Variants in MACROD2 observed in about 807,000 individuals in gnomAD.
MACROD2 encodes ADP-ribose glycohydrolase MACROD2.
MACROD2 carries 36 observed loss-of-function variants against 70.4 expected under a neutral mutation model. That is an observed-to-expected ratio of 0.51 (90% confidence interval 0.39 to 0.68). The LOEUF is 0.68. Ranked by LOEUF, MACROD2 falls within the 30% of genes least tolerant of loss-of-function variation. MACROD2 has a pLI of 0.00. For missense variants in MACROD2, 496 were observed against 538.4 expected (o/e 0.92, Z 0.78); for synonymous variants, 172 against 178.8 (o/e 0.96, Z 0.30).
chr20:14,696,012 G>T (rs539879795), intron 5 of MACROD2, among the ~76,000 whole-genome samples: 11 of 152,310 alleles, frequency 7.2e-5, no homozygotes, highest in African/African-American at 2.4e-4. Flanking sequence ...CATTTTCTCA[G>T]TGCAGAACCT....
intron 5 of MACROD2, among the ~76,000 whole-genome samples, chr20:15,065,481 C>T (rs956794781): frequency 6.6e-6 from 1 of 151,888 alleles, no homozygotes; most frequent in Non-Finnish European, 1.5e-5. Flanking sequence ...CAGTGAAACC[C>T]CATCTCTACT....
chr20:14,460,961 C>CA (rs2084362542), intron 3 of MACROD2, among the ~76,000 whole-genome samples: 1 of 148,428 alleles, frequency 6.7e-6, no homozygotes, highest in South Asian at 2.1e-4. Flanking sequence ...GGATTCCCCC[C>CA]TTTTTTTTTT....
intron 8 of MACROD2, among the ~76,000 whole-genome samples, chr20:15,666,397 G>A (rs1176285933): frequency 6.6e-6 from 1 of 152,060 alleles, no homozygotes; most frequent in Admixed American, 6.5e-5. Context: ...CCTGCCCTAG[G>A]GTCTTTTTTT....
At chr20:14,338,737 A>G (rs373124451) in intron 3 of MACROD2, among the ~76,000 whole-genome samples, 9 of 152,214 alleles carry the variant, frequency 5.9e-5, no homozygotes, top group African/African-American at 1.7e-4. Flanking sequence ...ATTTAGGTAC[A>G]TGAATAAACA....
chr20:14,406,135 AT>A (rs1317428991), intron 3 of MACROD2, among the ~76,000 whole-genome samples: 1 of 152,102 alleles, frequency 6.6e-6, no homozygotes, highest in Non-Finnish European at 1.5e-5. Context: ...TTTGACAAAA[AT>A]TTGCTCCTCT....
chr20:14,763,317 C>T lies in MACROD2; in HGVS notation c.418+78358C>T, dbSNP rs1435886050. Among the ~76,000 whole-genome samples, 8 of 152,206 alleles carry T rather than the reference C, an allele frequency of 5.3e-5. No homozygotes were observed. The South Asian group carries it at 6.2e-4, about 12-fold the overall frequency. ...TGGTGTTACTAGACCTTCAGAGTCACGGGGAAACCCTGGAGACAAAGCTGG... is the reference window on the plus strand; with the variant it reads ...TGGTGTTACTAGACCTTCAGAGTCATGGGGAAACCCTGGAGACAAAGCTGG... On this transcript the variant is annotated intron_variant, in intron 5 of 17. Transcript: ENST00000684519.
intron 5 of MACROD2, among the ~76,000 whole-genome samples, chr20:15,057,218 C>T (rs1408408272): frequency 2.0e-5 from 3 of 152,176 alleles, no homozygotes; most frequent in Admixed American, 6.5e-5. Flanking sequence ...CTTTTCTTTA[C>T]ATGATAGGAT....
intron 16 of MACROD2, among the ~76,000 whole-genome samples, chr20:16,042,800 A>G (rs913614822): frequency 2.0e-5 from 3 of 152,050 alleles, no homozygotes; most frequent in Admixed American, 1.3e-4. Flanking sequence ...AAATGAGTTC[A>G]CACATCATTA....
At chr20:14,232,166 T>C (rs911838830) in intron 3 of MACROD2, among the ~76,000 whole-genome samples, 4 of 151,752 alleles carry the variant, frequency 2.6e-5, no homozygotes, top group African/African-American at 7.3e-5. Context: ...TTTGTCAATT[T>C]TGGCTTTTGT....
rs191167273 is a variant in MACROD2, at chr20:14,265,650, G to A, written c.271+179922G>A. 6.6e-5 allele frequency among the ~76,000 whole-genome samples: 10 copies of A among 152,122 alleles called. No homozygotes were observed. The East Asian group carries it at 1.7e-3, about 26-fold the overall frequency. ...TCTCATGGATTTAGCAAAATCTGAT[G>A]TGTGTTTATTTTCATTCTTATTTGC... On this transcript the variant is annotated intron_variant, in intron 3 of 17. Transcript: ENST00000684519.
chr20:15,895,944 T>C (rs2064965489), intron 10 of MACROD2, among the ~76,000 whole-genome samples: 1 of 152,228 alleles, frequency 6.6e-6, no homozygotes, highest in South Asian at 2.1e-4. Flanking sequence ...TTATCAGAGT[T>C]TCTATTTTGA....
At chr20:15,315,432 C>T (rs1411915396) in intron 6 of MACROD2, among the ~76,000 whole-genome samples, 1 of 152,100 alleles carries the variant, frequency 6.6e-6, no homozygotes, top group Non-Finnish European at 1.5e-5. Flanking sequence ...AACAAAGAAA[C>T]TCTGAAAAGC....
intron 6 of MACROD2, among the ~76,000 whole-genome samples, chr20:15,257,615 T>C (rs2077210852): frequency 1.3e-5 from 2 of 152,062 alleles, no homozygotes; most frequent in Admixed American, 1.3e-4. Context: ...CTTAAGGTTG[T>C]AACACAATGC....
At chr20:14,822,888 T>C (rs1307909975) in intron 5 of MACROD2, among the ~76,000 whole-genome samples, 2 of 152,060 alleles carry the variant, frequency 1.3e-5, no homozygotes, top group Non-Finnish European at 2.9e-5. Context: ...AATCTGGGTA[T>C]TTATATCTAA....
intron 2 of MACROD2, among the ~76,000 whole-genome samples, chr20:14,042,004 T>C (rs892344939): frequency 5.3e-5 from 8 of 152,022 alleles, no homozygotes; most frequent in Admixed American, 2.6e-4. Context: ...CACTGGATAT[T>C]AGAGGAAAAA....
At chr20:14,236,100 ATAT>A (rs1192420273) in intron 3 of MACROD2, among the ~76,000 whole-genome samples, 1 of 152,142 alleles carries the variant, frequency 6.6e-6, no homozygotes, top group Non-Finnish European at 1.5e-5. Flanking sequence ...GGAAATATTC[ATAT>A]TATATGTTTT....
intron 3 of MACROD2, among the ~76,000 whole-genome samples, chr20:14,482,678 C>A (rs188216669): frequency 1.3e-5 from 2 of 148,184 alleles, no homozygotes; most frequent in African/African-American, 5.0e-5. Flanking sequence ...AGGAAACATA[C>A]GTTCCATTGA....
intron 8 of MACROD2, among the ~76,000 whole-genome samples, chr20:15,791,353 A>C (rs1165068123): frequency 2.6e-5 from 4 of 151,902 alleles, no homozygotes; most frequent in Non-Finnish European, 5.9e-5. Context: ...GCTGATATAC[A>C]CTGGTTGACC....
At chr20:15,336,438 T>A (rs1285337025) in intron 6 of MACROD2, among the ~76,000 whole-genome samples, 1 of 151,370 alleles carries the variant, frequency 6.6e-6, no homozygotes, top group Non-Finnish European at 1.5e-5. Flanking sequence ...CATGTTTTCC[T>A]TTTAAAACCT....
Sources: allele counts gnomAD v4.1 joint callset (sites outside exome capture counted in the v4.1 genomes callset), GRCh38; gene constraint gnomAD v4.1.1; transcripts MANE v1.5; gene names NCBI Gene and HGNC (gene_info 2026-07-23, HGNC 2026-07-21).